Variants in HTR4 observed in about 807,000 individuals in gnomAD.
The protein encoded by HTR4 is 5-hydroxytryptamine (serotonin) receptor 4, G protein-coupled.
In HTR4, 16 loss-of-function variants were observed where a neutral mutation model predicts 36.8. The observed-to-expected ratio is 0.43, with a 90% CI of 0.29 to 0.66. HTR4 has a LOEUF of 0.66. HTR4 is among the 30% of genes least tolerant of loss of function. The probability of loss-of-function intolerance (pLI) is 0.13; values close to 1 mark genes in which losing one functional copy is unlikely to be tolerated. For synonymous variants in HTR4, 189 were observed against 185.1 expected (o/e 1.02, Z -0.17); for missense variants, 438 against 490.9 (o/e 0.89, Z 1.02).
At chr5:148,542,199 A>G (rs1209796516) in intron 4 of HTR4, among the ~76,000 whole-genome samples, 1 of 152,222 alleles carries the variant, frequency 6.6e-6, no homozygotes, top group Non-Finnish European at 1.5e-5. Flanking sequence ...TCAACTCAAC[A>G]AATATTATGT....
intron 4 of HTR4, among the ~76,000 whole-genome samples, chr5:148,530,187 T>C (rs1758489825): frequency 6.6e-6 from 1 of 152,178 alleles, no homozygotes; most frequent in Non-Finnish European, 1.5e-5. Flanking sequence ...AAATTCAAGC[T>C]GGCTGCAGAA....
In HTR4 at chr5:148,548,871, G is replaced by A. The variant is rs201942681; in HGVS notation, c.153-3C>T. On this transcript the variant is annotated splice_polypyrimidine_tract_variant and splice_region_variant and intron_variant, in intron 3 of 6. Coordinates refer to ENST00000377888, the MANE Select transcript of HTR4 (RefSeq NM_000870.7). Reference sequence around the variant, plus strand: ...TGAAATAATTTGTTTTTATTTTCCTGTGAGTGAAAAAGTGTAAGAGAGGAG... The same window carrying A: ...TGAAATAATTTGTTTTTATTTTCCTATGAGTGAAAAAGTGTAAGAGAGGAG... The A allele has an allele frequency of 1.9e-6, 3 of 1,611,416 alleles. No individual in the cohort carries two copies. The highest frequency in any genetic ancestry group is 2.5e-6 in the Non-Finnish European group (3 of 1,178,120).
chr5:148,639,764 A>G, intron 1 of HTR4, among the ~76,000 whole-genome samples: 2 of 151,686 alleles, frequency 1.3e-5, no homozygotes. Flanking sequence ...TGCCTGGTAT[A>G]TTGTGTCCTC....
chr5:148,571,509 T>C (rs774976616), intron 2 of HTR4, among the ~76,000 whole-genome samples: 16 of 152,144 alleles, frequency 1.1e-4, no homozygotes, highest in Non-Finnish European at 1.9e-4. Flanking sequence ...TCATTGTGTA[T>C]AGATACGTTA....
At chr5:148,490,093 T>C (rs1207830491) in intron 6 of HTR4, among the ~76,000 whole-genome samples, 1 of 151,136 alleles carries the variant, frequency 6.6e-6, no homozygotes, top group Admixed American at 6.6e-5. Flanking sequence ...AGTTCAATTC[T>C]AGAACTCACC....
chr5:148,583,129 G>C (rs963802803), intron 2 of HTR4, among the ~76,000 whole-genome samples: 10 of 151,620 alleles, frequency 6.6e-5, no homozygotes, highest in African/African-American at 2.2e-4. Flanking sequence ...AATTTATTGA[G>C]AGTTTTTAGC....
At chr5:148,576,649 GC>G (rs1760933221) in intron 2 of HTR4, among the ~76,000 whole-genome samples, 1 of 151,958 alleles carries the variant, frequency 6.6e-6, no homozygotes, top group African/African-American at 2.4e-5. Flanking sequence ...AGAATAGAGA[GC>G]CCTGAAATAA....
chr5:148,595,119 T>C (rs561888525), intron 2 of HTR4, among the ~76,000 whole-genome samples: 1 of 151,966 alleles, frequency 6.6e-6, no homozygotes, highest in East Asian at 1.9e-4. Context: ...ATACAAGGTG[T>C]ATCAGTGAGC....
At chr5:148,599,386 TG>T (rs1761899602) in intron 2 of HTR4, among the ~76,000 whole-genome samples, 1 of 152,052 alleles carries the variant, frequency 6.6e-6, no homozygotes, top group Admixed American at 6.6e-5. Flanking sequence ...AAAAGCAGCT[TG>T]GGAGGTGGGG....
chr5:148,458,309 C>T lies in HTR4; in HGVS notation c.1077-7037G>A, dbSNP rs190122445. Among the ~76,000 whole-genome samples the T allele has an allele frequency of 2.6e-5, 4 of 151,678 alleles. No homozygotes were observed. The East Asian group carries it at 5.8e-4, about 22-fold the overall frequency. On this transcript the variant is annotated intron_variant, in intron 5 of 5. Coordinates refer to the HTR4 transcript ENST00000521530. ...TTACAGTTGGTATTTTTTCCATGAA[C>T]ACAAATCCTAGACATTTATTCATCC... is the stretch of plus-strand genomic sequence containing the variant.
At chr5:148,483,371 A>G (rs970719835) in intron 6 of HTR4, 78 bp from the exon 7 acceptor site, 3 of 1,301,434 alleles carry the variant, frequency 2.3e-6, no homozygotes, top group African/African-American at 2.9e-5. Flanking sequence ...GCCCACCTGC[A>G]TGGCAGGAAC....
At chr5:148,590,580 A>T (rs1194416789) in intron 2 of HTR4, among the ~76,000 whole-genome samples, 1 of 151,144 alleles carries the variant, frequency 6.6e-6, no homozygotes, top group East Asian at 1.9e-4. Flanking sequence ...GGGGTATATC[A>T]CTTCTTGAAT....
intron 5 of HTR4, among the ~76,000 whole-genome samples, chr5:148,515,189 C>A (rs1313538030): frequency 1.3e-5 from 2 of 151,908 alleles, no homozygotes; most frequent in African/African-American, 2.4e-5. Context: ...GATATATATT[C>A]TTTTATTATC....
At chr5:148,549,608 A>G (rs1004286609) in intron 3 of HTR4, among the ~76,000 whole-genome samples, 3 of 152,200 alleles carry the variant, frequency 2.0e-5, no homozygotes, top group African/African-American at 7.2e-5. Flanking sequence ...GATACAATAC[A>G]GGATGCCTGA....
chr5:148,598,263 G>A (rs868723159), intron 2 of HTR4, among the ~76,000 whole-genome samples: 42 of 152,270 alleles, frequency 2.8e-4, no homozygotes, highest in Non-Finnish European at 2.5e-4. Context: ...CAGTAGTTGA[G>A]GCCAGGCACA....
At chr5:148,542,988 C>G (rs141689307) in intron 4 of HTR4, among the ~76,000 whole-genome samples, 3 of 152,270 alleles carry the variant, frequency 2.0e-5, no homozygotes, top group African/African-American at 7.2e-5. Flanking sequence ...TGCCCAGTAA[C>G]CAGGATGTGT....
intron 2 of HTR4, among the ~76,000 whole-genome samples, chr5:148,619,231 G>A (rs909144038): frequency 6.6e-6 from 1 of 152,006 alleles, no homozygotes; most frequent in Admixed American, 6.6e-5. Flanking sequence ...TCTCTCTCCT[G>A]GCTTGTAAAC....
At chr5:148,490,757 T>C in intron 6 of HTR4, 1 of 1,233,434 alleles carries the variant, frequency 8.1e-7, no homozygotes, top group Non-Finnish European at 1.1e-6. Context: ...TGTGCTGAAA[T>C]ACATGTTCTT....
chr5:148,624,747 G>A (rs1041303685), intron 2 of HTR4, among the ~76,000 whole-genome samples: 1 of 152,188 alleles, frequency 6.6e-6, no homozygotes, highest in Non-Finnish European at 1.5e-5. Context: ...CAGGGGCATA[G>A]AGTGGAGATG....
Sources: allele counts gnomAD v4.1 joint callset (sites outside exome capture counted in the v4.1 genomes callset), GRCh38; gene constraint gnomAD v4.1.1; transcripts MANE v1.5; gene names NCBI Gene and HGNC (gene_info 2026-07-23, HGNC 2026-07-21).